Variants in ZNF827 observed in about 807,000 individuals in gnomAD.
ZNF827 encodes the protein zinc finger protein 827.
A neutral mutation model predicts 102.4 loss-of-function variants in ZNF827; 13 were observed. That is an observed-to-expected ratio of 0.13 (90% confidence interval 0.08 to 0.20). The LOEUF (loss-of-function observed/expected upper bound fraction) is 0.20. ZNF827 is among the 10% of genes least tolerant of loss of function. ZNF827 has a pLI of 1.00. For missense variants in ZNF827, 1,103 were observed against 1,344.4 expected, an observed-to-expected ratio of 0.82 and a Z score of 2.81; for synonymous variants, 523 against 536.2, an observed-to-expected ratio of 0.98 and a Z score of 0.34.
intron 1 of ZNF827, among the ~76,000 whole-genome samples, chr4:145,930,771 A>G (rs928167695): frequency 3.3e-5 from 5 of 152,222 alleles, no homozygotes; most frequent in Non-Finnish European, 7.3e-5. Flanking sequence ...TTCTGACCTC[A>G]GATCGTGGGC....
intron 7 of ZNF827, among the ~76,000 whole-genome samples, chr4:145,826,270 C>T (rs760068904): frequency 2.2e-4 from 34 of 152,316 alleles, no homozygotes; most frequent in African/African-American, 3.4e-4. Flanking sequence ...GGTTTAACAA[C>T]GCCATCTTTT....
intron 11 of ZNF827, among the ~76,000 whole-genome samples, chr4:145,773,272 T>C (rs1391407015): frequency 1.3e-5 from 2 of 152,222 alleles, no homozygotes; most frequent in East Asian, 3.8e-4. Context: ...CAACTGACTG[T>C]AAAAATGGCA....
intron 1 of ZNF827, among the ~76,000 whole-genome samples, chr4:145,935,200 A>C (rs1754073911): frequency 6.6e-6 from 1 of 152,248 alleles, no homozygotes; most frequent in Non-Finnish European, 1.5e-5. Context: ...GATACAAAAC[A>C]GTACTCCAGT....
rs1734190138 is a variant in ZNF827 at position 145,759,126 on chromosome 4, G to A, written c.*2490C>T. The A allele has an allele frequency of 6.6e-6, 1 of 152,150 alleles. No individual in the cohort carries two copies. The highest frequency in any genetic ancestry group is 2.4e-5 in the African/African-American group (1 of 41,418). The allele number at this position is 152,150 out of a possible 1,614,324, so 9.4% of individuals were successfully genotyped here. On this transcript the variant is annotated 3_prime_UTR_variant, in exon 15 of 15. Transcript: ENST00000508784. Reference sequence around the variant, plus strand: ...AAGAAAATGTTCCTCCTGTACACCAGTTCTCCAATAGATAAATAATATATA... The same window carrying A: ...AAGAAAATGTTCCTCCTGTACACCAATTCTCCAATAGATAAATAATATATA...
chr4:145,861,042 G>T (rs1029344053), intron 5 of ZNF827, among the ~76,000 whole-genome samples: 3 of 152,156 alleles, frequency 2.0e-5, no homozygotes, highest in African/African-American at 7.2e-5. Flanking sequence ...TGGGTGACCC[G>T]GCCTCTTGGC....
At chr4:145,858,576 TG>T (rs1338811522) in intron 5 of ZNF827, among the ~76,000 whole-genome samples, 6 of 148,684 alleles carry the variant, frequency 4.0e-5, no homozygotes, top group Admixed American at 3.4e-4. Context: ...CAGGAGTTTG[TG>T]GCTGTAGTGA....
At chr4:145,903,838 A>G (rs1434355318) in intron 1 of ZNF827, among the ~76,000 whole-genome samples, 2 of 152,216 alleles carry the variant, frequency 1.3e-5, no homozygotes, top group Non-Finnish European at 2.9e-5. Context: ...ATGTTTTGAA[A>G]ACAGTCAAGT....
At chr4:145,770,751 CTTAAAA>C (rs1325833113) in intron 11 of ZNF827, among the ~76,000 whole-genome samples, 41 of 151,970 alleles carry the variant, frequency 2.7e-4, no homozygotes, top group Non-Finnish European at 8.8e-5. Context: ...TAAATAGTAC[CTTAAAA>C]TTAAATTTAA....
At chr4:145,908,288 A>G (rs1752028441) in intron 1 of ZNF827, among the ~76,000 whole-genome samples, 1 of 152,222 alleles carries the variant, frequency 6.6e-6, no homozygotes, top group Non-Finnish European at 1.5e-5. Context: ...AGTCCATATG[A>G]GTCTAGCCAG....
chr4:145,870,214 G>C lies in ZNF827; in HGVS notation c.1981+31C>G, dbSNP rs746720659. ...AGTTGGCCTGCAAGTGAAACTATCA[G>C]AATGTGAATATTTTAGAATAAATCA... On this transcript the variant is annotated intron_variant, in intron 5 of 14. Transcript: ENST00000508784. 8 of 1,605,548 alleles carry C rather than the reference G, an allele frequency of 5.0e-6. No homozygotes were observed. In the Admixed American group the frequency reaches 6.7e-5, roughly 13 times the overall value.
chr4:145,781,065 G>A (rs1287861326), intron 8 of ZNF827, among the ~76,000 whole-genome samples: 2 of 151,628 alleles, frequency 1.3e-5, no homozygotes, highest in South Asian at 2.1e-4. Context: ...GCGTGGTGGC[G>A]GGCGCCTGAA....
At chr4:145,918,242 C>A (rs1429199042) in intron 1 of ZNF827, among the ~76,000 whole-genome samples, 2 of 142,684 alleles carry the variant, frequency 1.4e-5, no homozygotes, top group Admixed American at 1.5e-4. Flanking sequence ...CTACTTTATG[C>A]TTTGCGGGGC....
chr4:145,881,887 C>T (rs1749701021), intron 4 of ZNF827, among the ~76,000 whole-genome samples: 1 of 152,226 alleles, frequency 6.6e-6, no homozygotes, highest in African/African-American at 2.4e-5. Flanking sequence ...TACCATGTAA[C>T]AAGTTTATAT....
chr4:145,923,380 G>A (rs1454201136), intron 1 of ZNF827, among the ~76,000 whole-genome samples: 1 of 151,890 alleles, frequency 6.6e-6, no homozygotes, highest in East Asian at 1.9e-4. Context: ...CGAGGCAGGC[G>A]GATCACCTGA....
intron 9 of ZNF827, among the ~76,000 whole-genome samples, chr4:145,778,528 C>T (rs1270405413): frequency 6.6e-6 from 1 of 152,158 alleles, no homozygotes; most frequent in Non-Finnish European, 1.5e-5. Flanking sequence ...GGAAGGATCA[C>T]TTGAACCCGG....
At chr4:145,870,660 A>C in intron 4 of ZNF827, 182 bp from the exon 5 acceptor site, 2 of 557,380 alleles carry the variant, frequency 3.6e-6, no homozygotes, top group Non-Finnish European at 6.4e-6. Context: ...TGGGCCTACA[A>C]CTCTGAGGAG....
Position 145,846,990 on chromosome 4 carries a change from C to T in ZNF827, c.2222-977G>A, listed in dbSNP as rs138778032. Reference sequence around the variant, plus strand: ...CCAACATGGTGAAAACCCGTCTCTACTAAAAATACAAAAATTAGCAGGGCG... The same window carrying T: ...CCAACATGGTGAAAACCCGTCTCTATTAAAAATACAAAAATTAGCAGGGCG... On this transcript the variant is annotated intron_variant, in intron 6 of 14. Coordinates refer to ENST00000508784, the MANE Select transcript of ZNF827 (RefSeq NM_001306215.2). Among the ~76,000 whole-genome samples the T allele has an allele frequency of 2.9e-3, 437 of 149,398 alleles. 1 individual carries two copies. The highest frequency in any genetic ancestry group is 0.01 in the African/African-American group (407 of 40,522).
rs574233259 is a variant in ZNF827, at chr4:145,925,408, T to C, written c.43+12957A>G. ...TTTACCCATCACACTTGCTCTGTGA[T>C]TCCTCAAACATTTACCCATCTAACT... On this transcript the variant is annotated intron_variant, in intron 1 of 14. Transcript: ENST00000508784. Among the ~76,000 whole-genome samples the C allele has an allele frequency of 9.8e-5, 15 of 152,352 alleles. No individual in the cohort carries two copies. The South Asian group carries it at 3.1e-3, about 32-fold the overall frequency.
intron 8 of ZNF827, among the ~76,000 whole-genome samples, chr4:145,807,804 A>C (rs1458888587): frequency 4.6e-5 from 7 of 151,780 alleles, no homozygotes; most frequent in Admixed American, 1.3e-4. Context: ...CAAAAACAAA[A>C]AAAAAACAAA....
Sources: allele counts gnomAD v4.1 joint callset (sites outside exome capture counted in the v4.1 genomes callset), GRCh38; gene constraint gnomAD v4.1.1; transcripts MANE v1.5; gene names NCBI Gene and HGNC (gene_info 2026-07-23, HGNC 2026-07-21).